Variants in C12orf56 observed in about 807,000 individuals in gnomAD.
C12orf56 encodes uncharacterized protein C12orf56.
Under a neutral mutation model 69.9 loss-of-function variants are expected in C12orf56, and 71 were observed. That is an observed-to-expected ratio of 1.02 (90% CI 0.84 to 1.24). The LOEUF is 1.24. Ranked by LOEUF, C12orf56 falls within the 50% of genes most tolerant of loss-of-function variation. C12orf56 has a pLI of 0.00. For synonymous variants in C12orf56, 276 were observed against 274.1 expected, an observed-to-expected ratio of 1.01 and a Z score of -0.07; for missense variants, 732 against 738.5, an observed-to-expected ratio of 0.99 and a Z score of 0.10.
intron 5 of C12orf56, among the ~76,000 whole-genome samples, chr12:64,308,949 AAG>A (rs1404134174): frequency 1.2e-4 from 13 of 108,832 alleles, no homozygotes; most frequent in African/African-American, 4.2e-4. Flanking sequence ...AGAAGAAAGA[AAG>A]AAAGAAAGAA....
At chr12:64,286,620 T>A (rs968212227) in intron 6 of C12orf56, among the ~76,000 whole-genome samples, 5 of 152,220 alleles carry the variant, frequency 3.3e-5, no homozygotes, top group Non-Finnish European at 7.3e-5. Flanking sequence ...GGAACCCATT[T>A]TTTAGTGTTC....
chr12:64,300,093 T>C (rs1008896368), intron 6 of C12orf56, among the ~76,000 whole-genome samples: 6 of 151,990 alleles, frequency 3.9e-5, no homozygotes, highest in Non-Finnish European at 8.8e-5. Flanking sequence ...CCATTAGGCA[T>C]GACAGGAAAG....
At chr12:64,319,087 A>G (rs2038734634) in intron 3 of C12orf56, 107 bp from the exon 4 acceptor site, 1 of 1,118,330 alleles carries the variant, frequency 8.9e-7, no homozygotes, top group Non-Finnish European at 1.2e-6. Context: ...CACAAAAGGA[A>G]TGCTTGTTAA....
At chr12:64,377,471 G>A (rs1319437816) in intron 1 of C12orf56, among the ~76,000 whole-genome samples, 11 of 152,156 alleles carry the variant, frequency 7.2e-5, no homozygotes, top group Admixed American at 7.2e-4. Flanking sequence ...TTACAGGCGT[G>A]AGCCACTGCA....
chr12:64,358,697 G>A (rs970773186), intron 1 of C12orf56, among the ~76,000 whole-genome samples: 1 of 151,648 alleles, frequency 6.6e-6, no homozygotes, highest in African/African-American at 2.4e-5. Flanking sequence ...GGGAGGCTGA[G>A]GCAGGAGAAT....
chr12:64,387,290 A>G (rs569795519), intron 1 of C12orf56, among the ~76,000 whole-genome samples: 3 of 152,248 alleles, frequency 2.0e-5, no homozygotes, highest in Admixed American at 2.0e-4. Flanking sequence ...TGCCTATCGC[A>G]ACTTCCAAAG....
intron 1 of C12orf56, 59 bp from the exon 2 acceptor site, chr12:64,353,115 T>TA: frequency 2.0e-6 from 3 of 1,528,458 alleles, no homozygotes; most frequent in Non-Finnish European, 2.7e-6. Flanking sequence ...CCTATTTTGG[T>TA]ATAATAAATC....
chr12:64,313,418 G>A (rs1234033555), intron 4 of C12orf56, among the ~76,000 whole-genome samples: 1 of 151,758 alleles, frequency 6.6e-6, no homozygotes, highest in Non-Finnish European at 1.5e-5. Context: ...ACCATGGCTT[G>A]TACCTGTAGT....
intron 1 of C12orf56, among the ~76,000 whole-genome samples, chr12:64,356,089 G>A (rs771479232): frequency 3.5e-4 from 52 of 150,258 alleles, no homozygotes; most frequent in African/African-American, 1.0e-3. Flanking sequence ...GCTTGAACCC[G>A]GGAGGTGGAG....
intron 2 of C12orf56, among the ~76,000 whole-genome samples, chr12:64,352,119 T>TG (rs1228338707): frequency 6.1e-5 from 6 of 98,492 alleles, no homozygotes; most frequent in South Asian, 7.0e-4. Flanking sequence ...TTTTTTTGTT[T>TG]TTTTTTTTAC....
intron 2 of C12orf56, among the ~76,000 whole-genome samples, chr12:64,343,811 A>G (rs760782113): frequency 5.9e-5 from 9 of 152,150 alleles, no homozygotes; most frequent in Non-Finnish European, 8.8e-5. Context: ...TTGATTTACT[A>G]TCTTTCTAGA....
intron 1 of C12orf56, among the ~76,000 whole-genome samples, chr12:64,365,729 T>A (rs994036313): frequency 7.0e-6 from 1 of 143,840 alleles, no homozygotes; most frequent in African/African-American, 2.5e-5. Context: ...TAATATATAA[T>A]ATATAGTTTA....
intron 2 of C12orf56, among the ~76,000 whole-genome samples, chr12:64,345,834 T>C (rs753590027): frequency 1.2e-4 from 18 of 152,312 alleles, no homozygotes; most frequent in South Asian, 6.2e-4. Flanking sequence ...GTAGTATGCA[T>C]AGAGTCACTA....
At chr12:64,286,668 C>T (rs10878134) in intron 6 of C12orf56, among the ~76,000 whole-genome samples, 34,221 of 152,022 alleles carry the variant, frequency 0.23, 4,168 homozygotes, top group East Asian at 0.5. Flanking sequence ...TGAAAATAAG[C>T]GCTGGCCCAT....
At chr12:64,352,098 TG>T (rs1437640391) in intron 2 of C12orf56, among the ~76,000 whole-genome samples, 10 of 114,778 alleles carry the variant, frequency 8.7e-5, no homozygotes, top group African/African-American at 2.8e-4. Context: ...TTTTTGTTTT[TG>T]TTTTTTTTTT....
chr12:64,302,967 G>A (rs1198687485), intron 6 of C12orf56, among the ~76,000 whole-genome samples: 1 of 151,964 alleles, frequency 6.6e-6, no homozygotes, highest in Non-Finnish European at 1.5e-5. Context: ...GAGACCCTGT[G>A]TCTATTTAAA....
At chr12:64,332,793 G>A (rs776747086) in intron 2 of C12orf56, among the ~76,000 whole-genome samples, 10 of 152,162 alleles carry the variant, frequency 6.6e-5, no homozygotes, top group Non-Finnish European at 1.3e-4. Flanking sequence ...AGTCTTTGGA[G>A]CGGGCTGGAC....
chr12:64,388,331 C>G (rs886576398), intron 1 of C12orf56, among the ~76,000 whole-genome samples: 2 of 152,172 alleles, frequency 1.3e-5, no homozygotes, highest in African/African-American at 4.8e-5. Context: ...ACTGCAGCCT[C>G]GAACTCCTTA....
At chr12:64,380,736 G>A (rs577017778) in intron 1 of C12orf56, among the ~76,000 whole-genome samples, 20 of 152,266 alleles carry the variant, frequency 1.3e-4, no homozygotes, top group African/African-American at 4.8e-4. Context: ...AGGATCTCGA[G>A]TGTTCTAGGT....
Sources: allele counts gnomAD v4.1 joint callset (sites outside exome capture counted in the v4.1 genomes callset), GRCh38; gene constraint gnomAD v4.1.1; transcripts MANE v1.5; gene names NCBI Gene and HGNC (gene_info 2026-07-23, HGNC 2026-07-21).